TM6SF1: variants seen among roughly 807,000 people sequenced by gnomAD.
TM6SF1 encodes transmembrane 6 superfamily member 1.
In TM6SF1, 43 loss-of-function variants were observed where a neutral mutation model predicts 47.1. That is an observed-to-expected ratio of 0.91 (90% CI 0.72 to 1.18). The LOEUF is 1.18. TM6SF1 is among the 50% of genes most tolerant of loss of function. The pLI is 0.00. For missense variants in TM6SF1, 390 were observed against 449.0 expected (o/e 0.87, Z 1.19); for synonymous variants, 177 against 166.3 (o/e 1.06, Z -0.49).
At chr15:83,115,316 A>G (rs567420745) in intron 2 of TM6SF1, 3 of 229,474 alleles carry the variant, frequency 1.3e-5, no homozygotes, top group South Asian at 6.3e-5. Flanking sequence ...CGGGGTTTCA[A>G]TATGTTGGCC....
At chr15:83,127,191 C>G (rs1416969899) in intron 8 of TM6SF1, among the ~76,000 whole-genome samples, 167 bp from the exon 9 acceptor site, 2 of 147,768 alleles carry the variant, frequency 1.4e-5, no homozygotes, top group East Asian at 3.9e-4. Context: ...GAGACTCCAC[C>G]TAAAAAAATA....
At chr15:83,111,389 C>T (rs558150420) in intron 1 of TM6SF1, among the ~76,000 whole-genome samples, 2 of 152,102 alleles carry the variant, frequency 1.3e-5, no homozygotes, top group Middle Eastern at 6.8e-3. Context: ...ACCCATCATC[C>T]ACCCATTCAC....
intron 1 of TM6SF1, among the ~76,000 whole-genome samples, chr15:83,108,889 A>G (rs769811939): frequency 6.6e-6 from 1 of 152,230 alleles, no homozygotes; most frequent in Non-Finnish European, 1.5e-5. Context: ...GGTCTGGCCC[A>G]GTCTCTGGAG....
intron 9 of TM6SF1, 23 bp from the exon 10 acceptor site, chr15:83,136,457 AT>A (rs752989537): frequency 0.11 from 93,159 of 848,534 alleles, no homozygotes; most frequent in South Asian, 0.15. Context: ...TGCTTACTCA[AT>A]TTTTTTTTTT....
At chr15:83,124,829 A>G in intron 7 of TM6SF1, 53 bp downstream of exon 7, 3 of 1,395,684 alleles carry the variant, frequency 2.1e-6, no homozygotes, top group Non-Finnish European at 3.0e-6. Flanking sequence ...TCACATTTCC[A>G]AATGGAAAAA....
chr15:83,117,098 T>C (rs999927392), intron 3 of TM6SF1, among the ~76,000 whole-genome samples: 1 of 152,100 alleles, frequency 6.6e-6, no homozygotes, highest in Non-Finnish European at 1.5e-5. Context: ...GGAAGGCTTA[T>C]TGAGTTGGTG....
In TM6SF1 at chr15:83,135,689, G is replaced by A. The variant is rs2036559497; in HGVS notation, c.922-792G>A. ...CATTCTGAATGTGTTTTCTGAATAA[G>A]TATATAAGTAGAGAGGGAGGCCATT... On this transcript the variant is annotated intron_variant, in intron 9 of 9. Transcript: ENST00000322019. 2.0e-5 allele frequency: 3 copies of A among 152,184 alleles called. No individual in the cohort carries two copies. The South Asian group carries it at 6.2e-4, about 32-fold the overall frequency. The allele number at this position is 152,184 out of a possible 1,614,324, so 9.4% of individuals were successfully genotyped here. A position where few individuals can be genotyped will look rare whatever the true frequency, so the allele number is the denominator to read the frequency against.
At chr15:83,128,610 C>T (rs1010840836) in intron 9 of TM6SF1, 1 of 152,158 alleles carries the variant, frequency 6.6e-6, no homozygotes, top group Non-Finnish European at 1.5e-5. Context: ...CACACCGTTC[C>T]CAGACTCCTG....
chr15:83,129,218 C>G (rs2036029796), intron 9 of TM6SF1: 1 of 152,322 alleles, frequency 6.6e-6, no homozygotes, highest in South Asian at 2.1e-4. Context: ...CTCTCATTAC[C>G]TTACTTCATG....
chr15:83,113,495 C>T (rs1052351351), intron 2 of TM6SF1: 1 of 152,818 alleles, frequency 6.5e-6, no homozygotes, highest in Non-Finnish European at 1.5e-5. Context: ...TTCCATCATG[C>T]ATGCTGCCCC....
intron 5 of TM6SF1, among the ~76,000 whole-genome samples, chr15:83,122,395 G>GTAGA (rs536975177): frequency 0.01 from 1,552 of 151,966 alleles, 9 homozygotes; most frequent in African/African-American, 0.016. Flanking sequence ...GGATATATAG[G>GTAGA]TAGATAGATA....
chr15:83,135,724 CGG>C (rs1567161173), intron 9 of TM6SF1: 3 of 152,108 alleles, frequency 2.0e-5, no homozygotes, highest in African/African-American at 7.2e-5. Flanking sequence ...TTTGCAAATG[CGG>C]ATAATGCTGA....
chr15:83,117,978 G>A (rs182364668), intron 3 of TM6SF1, among the ~76,000 whole-genome samples: 58 of 152,256 alleles, frequency 3.8e-4, no homozygotes, highest in Non-Finnish European at 3.7e-4. Flanking sequence ...AAAGTTGATA[G>A]ATTTGCTGAG....
chr15:83,108,645 T>A (rs1260380570), intron 1 of TM6SF1, among the ~76,000 whole-genome samples: 1 of 152,224 alleles, frequency 6.6e-6, no homozygotes, highest in Non-Finnish European at 1.5e-5. Context: ...CCAGCCTCTG[T>A]TCCTGCTGAT....
chr15:83,109,757 C>T (rs1350998946), intron 1 of TM6SF1, among the ~76,000 whole-genome samples: 1 of 152,220 alleles, frequency 6.6e-6, no homozygotes. Flanking sequence ...CGCACTAGTG[C>T]TCCTGCCGCA....
chr15:83,115,989 A>G, intron 3 of TM6SF1, 47 bp downstream of exon 3: 1 of 1,385,440 alleles, frequency 7.2e-7, no homozygotes, highest in Non-Finnish European at 1.0e-6. Context: ...AAAGGCCACA[A>G]CCCAGATCAC....
intron 9 of TM6SF1, chr15:83,128,958 G>C (rs2036003867): frequency 6.6e-6 from 1 of 152,168 alleles, no homozygotes; most frequent in African/African-American, 2.4e-5. Flanking sequence ...TGTCTCCAGA[G>C]TAGCTGGGAC....
At chr15:83,131,355 G>A (rs1036219358) in intron 9 of TM6SF1, 12 of 152,170 alleles carry the variant, frequency 7.9e-5, no homozygotes, top group Admixed American at 5.2e-4. Flanking sequence ...TAGTGGCCAG[G>A]CGCAGTGGCT....
chr15:83,121,499 C>A (rs2035240897), intron 4 of TM6SF1, among the ~76,000 whole-genome samples: 1 of 152,074 alleles, frequency 6.6e-6, no homozygotes. Context: ...TTCTGTGACC[C>A]CAGAAAAAGT....
Sources: allele counts gnomAD v4.1 joint callset (sites outside exome capture counted in the v4.1 genomes callset), GRCh38; gene constraint gnomAD v4.1.1; transcripts MANE v1.5; gene names NCBI Gene and HGNC (gene_info 2026-07-23, HGNC 2026-07-21).